Variants in SIPA1L1 observed in about 807,000 individuals in gnomAD.
SIPA1L1 encodes the protein signal induced proliferation associated 1 like 1.
A neutral mutation model predicts 162.7 loss-of-function variants in SIPA1L1; 26 were observed. The ratio of observed to expected loss-of-function variants is 0.16; its 90% CI spans 0.12 to 0.22. SIPA1L1 has a LOEUF of 0.22. Among genes scored for constraint, SIPA1L1 ranks in the 10% least tolerant of loss-of-function variants. The probability of loss-of-function intolerance (pLI) is 1.00; values close to 1 mark genes in which losing one functional copy is unlikely to be tolerated. For missense variants in SIPA1L1, 1,874 were observed against 2,241.0 expected (o/e 0.84, Z 3.31); for synonymous variants, 829 against 837.4 (o/e 0.99, Z 0.17).
intron 4 of SIPA1L1, among the ~76,000 whole-genome samples, chr14:71,548,143 G>C (rs1596046711): frequency 6.6e-6 from 1 of 152,142 alleles, no homozygotes; most frequent in Admixed American, 6.5e-5. Context: ...TGATTTCATT[G>C]GAATGAAGGT....
At chr14:71,674,550 T>G (rs1047378235) in intron 12 of SIPA1L1, among the ~76,000 whole-genome samples, 92 of 146,090 alleles carry the variant, frequency 6.3e-4, no homozygotes, top group East Asian at 3.4e-3. Flanking sequence ...AGCATTCCTG[T>G]TTTTTTTTTG....
At chr14:71,367,391 C>G (rs1272565946) in intron 2 of SIPA1L1, among the ~76,000 whole-genome samples, 1 of 151,108 alleles carries the variant, frequency 6.6e-6, no homozygotes, top group African/African-American at 2.4e-5. Flanking sequence ...ACTGTAAACT[C>G]CGCCTCCCGG....
At chr14:71,690,396 A>T (rs1398340792) in intron 13 of SIPA1L1, among the ~76,000 whole-genome samples, 1 of 151,818 alleles carries the variant, frequency 6.6e-6, no homozygotes, top group Non-Finnish European at 1.5e-5. Flanking sequence ...ACGCCACACC[A>T]CACCCAGCTT....
At chr14:71,404,143 T>A (rs1793842119) in intron 2 of SIPA1L1, among the ~76,000 whole-genome samples, 1 of 152,174 alleles carries the variant, frequency 6.6e-6, no homozygotes, top group South Asian at 2.1e-4. Flanking sequence ...AGTCAACTTT[T>A]TGTAAATTTG....
rs143719249 is a variant in SIPA1L1 at position 71,446,250 on chromosome 14, A to G, written c.-464-66493A>G. Among the ~76,000 whole-genome samples the G allele has an allele frequency of 3.5e-4, 53 of 152,310 alleles. No individual in the cohort carries two copies. In the East Asian group the frequency reaches 0.01, roughly 29 times the overall value. On this transcript the variant is annotated intron_variant, in intron 2 of 23. Coordinates refer to ENST00000381232, the MANE Select transcript of SIPA1L1 (RefSeq NM_001386936.1). ...GAAAATAGGAATCAAAAAAGAAACC[A>G]TGCTCATTTGGGTTTCTAATATTTT... is the stretch of plus-strand genomic sequence containing the variant.
chr14:71,406,420 G>T (rs2042028742), intron 2 of SIPA1L1, among the ~76,000 whole-genome samples: 1 of 152,120 alleles, frequency 6.6e-6, no homozygotes, highest in Non-Finnish European at 1.5e-5. Context: ...GGAAGAATAA[G>T]AATAATTTTT....
intron 12 of SIPA1L1, among the ~76,000 whole-genome samples, chr14:71,683,197 T>C (rs1056962961): frequency 6.6e-6 from 1 of 152,038 alleles, no homozygotes; most frequent in African/African-American, 2.4e-5. Flanking sequence ...AATAGAAGCT[T>C]AGCTAGGGAA....
At position 71,722,290 on chromosome 14, in the gene SIPA1L1, G is replaced by T. The variant is rs538750822; in HGVS notation, c.4209-1357G>T. ...GATAGTTGTTCAATTTGGTGTTCCT[G>T]TGGAGGCACAGTTGTTAGAGGGTTC... On this transcript the variant is annotated intron_variant, in intron 17 of 23. Transcript: ENST00000381232. Among the ~76,000 whole-genome samples, 9 of 152,340 alleles carry T rather than the reference G, an allele frequency of 5.9e-5. No homozygotes were observed. The East Asian group carries it at 1.7e-3, about 29-fold the overall frequency.
intron 4 of SIPA1L1, among the ~76,000 whole-genome samples, chr14:71,567,822 G>T (rs960160699): frequency 6.6e-6 from 1 of 150,992 alleles, no homozygotes; most frequent in Non-Finnish European, 1.5e-5. Context: ...CTAAACAAGG[G>T]TCAGATTATT....
At chr14:71,563,407 A>C (rs904000430) in intron 4 of SIPA1L1, among the ~76,000 whole-genome samples, 2 of 151,736 alleles carry the variant, frequency 1.3e-5, no homozygotes, top group Non-Finnish European at 2.9e-5. Context: ...TTCTTTCTTA[A>C]TACAAACTGA....
intron 7 of SIPA1L1, among the ~76,000 whole-genome samples, chr14:71,642,431 A>G (rs2041808434): frequency 6.6e-6 from 1 of 152,184 alleles, no homozygotes; most frequent in African/African-American, 2.4e-5. Flanking sequence ...CAGACTGGAA[A>G]ACTTCATAAT....
Position 71,723,821 on chromosome 14 carries a change from G to C in SIPA1L1, c.4383G>C (p.Lys1461Asn). 1 of 1,614,176 alleles carries C rather than the reference G, an allele frequency of 6.2e-7. No individual in the cohort carries two copies. Among genetic ancestry groups the C allele is most frequent in the Non-Finnish European group, 8.5e-7 (1 of 1,180,044 alleles). The change falls in exon 18 of 24, where the codon AAG becomes AAC. Residue 1461 changes from lysine (K) to asparagine (N), a missense_variant. Physicochemically the swap from Lys to Asn is moderately conservative, Grantham distance 94. This residue lies in a region of SIPA1L1 where 936 missense variants were observed against 1,051.9 expected (regional missense o/e 0.89). Transcript: ENST00000381232. ...ACCCTCGCCAGGGCGCTACTAGCAA[G>C]TACCTGATTGGATGGAAAAAACCCG... Reference protein sequence around the residue: ...SFYPRQGATSKYLIGWKKPEG... With the variant: ...SFYPRQGATSNYLIGWKKPEG...
intron 4 of SIPA1L1, 83 bp from the exon 5 acceptor site, chr14:71,587,483 TTTATC>T (rs2034766916): frequency 2.5e-6 from 1 of 400,360 alleles, no homozygotes; most frequent in African/African-American, 2.1e-5. Flanking sequence ...TATTGAGTCT[TTTATC>T]TTCATGTGTC....
rs766602387 is a variant in SIPA1L1, at chr14:71,702,451, G to A, written c.3592G>A (p.Gly1198Arg). The A allele has an allele frequency of 6.8e-6, 11 of 1,614,046 alleles. No individual in the cohort carries two copies. Among genetic ancestry groups the A allele is most frequent in the South Asian group, 2.2e-5 (2 of 91,088 alleles). ...CACCCAGTCAGATATTGGTGGCAGCGGAAAATCCACGCCTAGCTGGCAAAG... is the reference window on the plus strand; with the variant it reads ...CACCCAGTCAGATATTGGTGGCAGCAGAAAATCCACGCCTAGCTGGCAAAG... ...QNTQSDIGGS[G>R]KSTPSWQRSE... The change falls in exon 15 of 24, where the codon GGA (glycine) becomes AGA (arginine). Residue 1198 changes from glycine to arginine, a missense_variant. By Grantham distance (125) the Gly-to-Arg change is moderately radical. Coordinates refer to ENST00000381232, the MANE Select transcript of SIPA1L1 (RefSeq NM_001386936.1).
intron 2 of SIPA1L1, among the ~76,000 whole-genome samples, chr14:71,429,429 G>T (rs1483966632): frequency 6.6e-6 from 1 of 151,452 alleles, no homozygotes; most frequent in Non-Finnish European, 1.5e-5. Flanking sequence ...TCAACAACTG[G>T]CTTTGGATAG....
At chr14:71,705,967 C>T (rs1446027341) in intron 16 of SIPA1L1, among the ~76,000 whole-genome samples, 6 of 152,080 alleles carry the variant, frequency 3.9e-5, no homozygotes, top group Admixed American at 3.3e-4. Flanking sequence ...GACGCCCTCC[C>T]CATGCAGTTG....
At chr14:71,572,045 C>A (rs2032164902) in intron 4 of SIPA1L1, among the ~76,000 whole-genome samples, 1 of 152,232 alleles carries the variant, frequency 6.6e-6, no homozygotes, top group Middle Eastern at 3.4e-3. Flanking sequence ...CTGCAGCATC[C>A]CGAGAAGGCG....
chr14:71,712,272 C>A (rs1029901354), intron 17 of SIPA1L1, among the ~76,000 whole-genome samples: 1 of 152,090 alleles, frequency 6.6e-6, no homozygotes, highest in Non-Finnish European at 1.5e-5. Flanking sequence ...TCATGCAGAT[C>A]TTTTGTAGCT....
At chr14:71,330,351 C>T (rs2034374572) in intron 2 of SIPA1L1, 1 of 855,680 alleles carries the variant, frequency 1.2e-6, no homozygotes, top group Non-Finnish European at 2.0e-6. Context: ...GCACAGTCCT[C>T]TCTTTTTGGC....
Sources: allele counts gnomAD v4.1 joint callset (sites outside exome capture counted in the v4.1 genomes callset), GRCh38; gene constraint gnomAD v4.1.1; regional missense constraint gnomAD v4.1.1; transcripts MANE v1.5; gene names NCBI Gene and HGNC (gene_info 2026-07-23, HGNC 2026-07-21).